Variants in LCLAT1 observed in about 807,000 individuals in gnomAD.
LCLAT1 encodes 1-AGP acyltransferase 8.
A neutral mutation model predicts 30.7 loss-of-function variants in LCLAT1; 11 were observed. The observed-to-expected ratio is 0.36, with a 90% CI of 0.23 to 0.59. The LOEUF (loss-of-function observed/expected upper bound fraction) is 0.59, where lower values mean the gene tolerates loss of function less well. Among genes scored for constraint, LCLAT1 ranks in the 20% least tolerant of loss-of-function variants. The pLI is 0.77. For missense variants in LCLAT1, 402 were observed against 458.6 expected (o/e 0.88, Z 1.13); for synonymous variants, 155 against 151.3 (o/e 1.02, Z -0.18).
At chr2:30,560,905 C>T (rs1665185756) in intron 3 of LCLAT1, among the ~76,000 whole-genome samples, 1 of 152,138 alleles carries the variant, frequency 6.6e-6, no homozygotes, top group Non-Finnish European at 1.5e-5. Context: ...GAATCATAGT[C>T]AGCTTTGGGG....
chr2:30,521,305 T>C (rs950751474), intron 1 of LCLAT1, among the ~76,000 whole-genome samples: 1 of 151,796 alleles, frequency 6.6e-6, no homozygotes, highest in Non-Finnish European at 1.5e-5. Flanking sequence ...GTCTGTGGAG[T>C]AGCCATTCTT....
intron 5 of LCLAT1, among the ~76,000 whole-genome samples, chr2:30,619,453 T>A (rs1407731707): frequency 6.6e-6 from 1 of 152,224 alleles, no homozygotes; most frequent in African/African-American, 2.4e-5. Flanking sequence ...ACCTTCACTT[T>A]CCATCTTATC....
intron 1 of LCLAT1, among the ~76,000 whole-genome samples, chr2:30,504,236 A>G (rs1684551200): frequency 6.6e-6 from 1 of 152,162 alleles, no homozygotes; most frequent in Non-Finnish European, 1.5e-5. Context: ...TGTAACATAT[A>G]TTTATGGGCT....
At chr2:30,487,462 T>C (rs1337828028) in intron 1 of LCLAT1, among the ~76,000 whole-genome samples, 1 of 152,226 alleles carries the variant, frequency 6.6e-6, no homozygotes, top group Non-Finnish European at 1.5e-5. Flanking sequence ...TTTTCCCTTC[T>C]ATAAACATTA....
intron 1 of LCLAT1, among the ~76,000 whole-genome samples, chr2:30,510,162 A>T (rs1348270334): frequency 6.6e-6 from 1 of 151,930 alleles, no homozygotes; most frequent in African/African-American, 2.4e-5. Flanking sequence ...CCCTTTCAGG[A>T]TCATCCTTCT....
rs1399619853 is a variant in LCLAT1 at position 30,537,691 on chromosome 2, A to G, written c.364+4377A>G. On this transcript the variant is annotated intron_variant, in intron 3 of 5. Transcript: ENST00000379509. ...GATAGATGATCCAGACAGAAAATCAACCAAGACATATACTGGATTTAAACT... is the reference window on the plus strand; with the variant it reads ...GATAGATGATCCAGACAGAAAATCAGCCAAGACATATACTGGATTTAAACT... 1.1e-4 allele frequency among the ~76,000 whole-genome samples: 16 copies of G among 152,186 alleles called. No individual in the cohort carries two copies. In the East Asian group the frequency reaches 3.1e-3, roughly 29 times the overall value.
intron 1 of LCLAT1, among the ~76,000 whole-genome samples, chr2:30,485,462 A>AT (rs1047380038): frequency 1.1e-4 from 17 of 151,962 alleles, no homozygotes; most frequent in Admixed American, 3.3e-4. Flanking sequence ...TGAACAAGTG[A>AT]TTTTTTTTAT....
intron 1 of LCLAT1, among the ~76,000 whole-genome samples, chr2:30,460,891 C>T (rs1377507094): frequency 6.6e-6 from 1 of 152,176 alleles, no homozygotes; most frequent in Non-Finnish European, 1.5e-5. Context: ...TAGCAGTGAA[C>T]ATACTGGTTT....
At chr2:30,571,004 C>T (rs147988195) in intron 5 of LCLAT1, among the ~76,000 whole-genome samples, 2 of 152,098 alleles carry the variant, frequency 1.3e-5, no homozygotes, top group African/African-American at 4.8e-5. Context: ...CACAAAGGGG[C>T]CCAGCCTGGC....
chr2:30,630,094 G>C (rs1180896297), intron 5 of LCLAT1, among the ~76,000 whole-genome samples: 1 of 152,162 alleles, frequency 6.6e-6, no homozygotes, highest in African/African-American at 2.4e-5. Context: ...GGCGAGGTCA[G>C]CTTTTCCTGA....
chr2:30,612,047 G>C (rs1667765135), intron 5 of LCLAT1, among the ~76,000 whole-genome samples: 1 of 152,112 alleles, frequency 6.6e-6, no homozygotes, highest in East Asian at 1.9e-4. Flanking sequence ...TTTTCTGTGA[G>C]GAAAAGACTT....
At chr2:30,550,575 T>A (rs1027316946) in intron 3 of LCLAT1, among the ~76,000 whole-genome samples, 4 of 152,336 alleles carry the variant, frequency 2.6e-5, no homozygotes, top group African/African-American at 9.6e-5. Flanking sequence ...GGAAGAATAC[T>A]GTAGAGGTGG....
chr2:30,510,937 C>T (rs78427923), intron 1 of LCLAT1, among the ~76,000 whole-genome samples: 5 of 152,032 alleles, frequency 3.3e-5, no homozygotes, highest in Non-Finnish European at 7.4e-5. Context: ...TTATTGTTTC[C>T]TGATTGCAGT....
intron 3 of LCLAT1, among the ~76,000 whole-genome samples, chr2:30,540,646 T>G (rs1177099697): frequency 6.6e-5 from 10 of 151,976 alleles, no homozygotes; most frequent in African/African-American, 2.4e-4. Context: ...GGTTTATATT[T>G]ATTTTTCTTT....
intron 5 of LCLAT1, among the ~76,000 whole-genome samples, chr2:30,618,129 C>G (rs1668081344): frequency 6.6e-6 from 1 of 152,126 alleles, no homozygotes; most frequent in Admixed American, 6.6e-5. Context: ...ATCTGTATGT[C>G]TAACTCTCCT....
intron 3 of LCLAT1, among the ~76,000 whole-genome samples, chr2:30,545,917 A>G (rs967820533): frequency 1.3e-5 from 2 of 152,198 alleles, no homozygotes; most frequent in Admixed American, 1.3e-4. Context: ...GGAGAGTAAT[A>G]TTAAAGAGAT....
At chr2:30,516,680 G>C (rs1344742793) in intron 1 of LCLAT1, among the ~76,000 whole-genome samples, 1 of 152,114 alleles carries the variant, frequency 6.6e-6, no homozygotes, top group Admixed American at 6.5e-5. Flanking sequence ...CATCTTGAGA[G>C]CTCTAAGAAC....
intron 1 of LCLAT1, among the ~76,000 whole-genome samples, chr2:30,468,760 C>T (rs1682611828): frequency 6.6e-6 from 1 of 152,172 alleles, no homozygotes. Context: ...CTGAATATTT[C>T]ATATAAATGA....
Position 30,572,290 on chromosome 2 carries a change from C to G in LCLAT1, c.628+4114C>G, listed in dbSNP as rs1297414878. On this transcript the variant is annotated intron_variant, in intron 5 of 5. Coordinates refer to ENST00000379509, the MANE Select transcript of LCLAT1 (RefSeq NM_001002257.3). ...TAATGAAAAAGGATAGAAGCCCTAT[C>G]TATGTACTTAAAAACAACCATCTAA... 1.1e-4 allele frequency among the ~76,000 whole-genome samples: 16 copies of G among 152,290 alleles called. No individual in the cohort carries two copies. In the East Asian group the frequency reaches 1.9e-3, roughly 18 times the overall value.
Sources: gnomAD v4.1 joint callset for allele counts (sites outside exome capture counted in the v4.1 genomes callset) on GRCh38, gnomAD v4.1.1 for gene constraint, MANE v1.5 for transcripts, NCBI Gene and HGNC (gene_info 2026-07-23, HGNC 2026-07-21) for gene names.